Variants in CSMD1 observed in about 807,000 individuals in gnomAD.
The protein encoded by CSMD1 is CUB and Sushi multiple domains 1, also known as CUB and sushi domain-containing protein 1.
A neutral mutation model predicts 417.5 loss-of-function variants in CSMD1; 213 were observed. That is an observed-to-expected ratio of 0.51 (90% CI 0.46 to 0.57). CSMD1 has a LOEUF of 0.57. Ranked by LOEUF, CSMD1 falls within the 20% of genes least tolerant of loss-of-function variation. CSMD1 has a pLI of 0.00. For missense variants in CSMD1, 6,923 were observed against 4,529.7 expected, an observed-to-expected ratio of 1.53 and a Z score of -15.17; for synonymous variants, 2,862 against 1,736.8, an observed-to-expected ratio of 1.65 and a Z score of -16.11.
At chr8:3,468,646 C>G in intron 12 of CSMD1, 66 bp downstream of exon 12, 1 of 973,996 alleles carries the variant, frequency 1.0e-6, no homozygotes, top group South Asian at 1.5e-5. Flanking sequence ...CTAACCAACA[C>G]AGAATGCTCT....
intron 3 of CSMD1, among the ~76,000 whole-genome samples, chr8:4,102,747 T>C (rs1801370571): frequency 6.6e-6 from 1 of 152,204 alleles, no homozygotes; most frequent in Non-Finnish European, 1.5e-5. Flanking sequence ...GAAGCAGATA[T>C]TTTTGAATTT....
chr8:4,266,203 G>A (rs1282186937), intron 3 of CSMD1, among the ~76,000 whole-genome samples: 1 of 103,984 alleles, frequency 9.6e-6, no homozygotes, highest in African/African-American at 2.6e-5. Context: ...GGTTTTTTAC[G>A]TTATTTTTTC....
At chr8:4,125,971 A>C (rs1047179371) in intron 3 of CSMD1, among the ~76,000 whole-genome samples, 2 of 152,118 alleles carry the variant, frequency 1.3e-5, no homozygotes, top group Admixed American at 1.3e-4. Context: ...TGTAAAACCT[A>C]AGATCTAAGA....
chr8:3,953,645 T>C (rs1811732251), intron 5 of CSMD1, among the ~76,000 whole-genome samples: 1 of 152,020 alleles, frequency 6.6e-6, no homozygotes, highest in South Asian at 2.1e-4. Flanking sequence ...GTGCCTCACC[T>C]AAGAACGCTG....
chr8:3,330,555 T>G (rs1042004351), intron 23 of CSMD1, among the ~76,000 whole-genome samples: 1 of 152,102 alleles, frequency 6.6e-6, no homozygotes, highest in African/African-American at 2.4e-5. Flanking sequence ...TGTGAACTCA[T>G]GAACACAAAG....
intron 20 of CSMD1, among the ~76,000 whole-genome samples, chr8:3,359,836 T>C (rs79137596): frequency 0.026 from 3,884 of 152,304 alleles, 169 homozygotes; most frequent in African/African-American, 0.087. Flanking sequence ...ATTCTACTCA[T>C]GTATCAAAAT....
chr8:3,625,067 AAC>A lies in CSMD1; in HGVS notation c.1010-8272_1010-8271del, dbSNP rs1056053869. Among the ~76,000 whole-genome samples the A allele has an allele frequency of 9.0e-5, 10 of 111,214 alleles. No homozygotes were observed. In the East Asian group the frequency reaches 1.7e-3, roughly 19 times the overall value. 73.0% of individuals were successfully genotyped at this position (111,214 alleles called of 152,430 possible). On this transcript the variant is annotated intron_variant, in intron 7 of 69. Transcript: ENST00000635120. ...TCCTACGAGACATTTCTACATGCATAACAGTTTTTTTTTTATTTTTTGCTGTT... is the reference window on the plus strand; with the variant it reads ...TCCTACGAGACATTTCTACATGCATAAGTTTTTTTTTTATTTTTTGCTGTT...
At chr8:4,317,586 A>G (rs7813006) in intron 3 of CSMD1, among the ~76,000 whole-genome samples, 151,764 of 152,238 alleles carry the variant, frequency 1, 75,649 homozygotes, top group Middle Eastern at 1. Context: ...AGTACTCAAG[A>G]GAGAGAGAGG....
intron 26 of CSMD1, among the ~76,000 whole-genome samples, chr8:3,234,165 C>A (rs754602082): frequency 3.3e-5 from 5 of 152,176 alleles, no homozygotes; most frequent in Admixed American, 6.5e-5. Flanking sequence ...CAGAGGCAAT[C>A]AGGGCAGGGC....
intron 3 of CSMD1, among the ~76,000 whole-genome samples, chr8:4,389,245 C>A (rs1803680531): frequency 2.0e-5 from 3 of 152,072 alleles, no homozygotes; most frequent in Non-Finnish European, 4.4e-5. Flanking sequence ...CTCTTTGGGT[C>A]ATATATTAAG....
intron 1 of CSMD1, among the ~76,000 whole-genome samples, chr8:4,773,835 T>G (rs1238875909): frequency 6.6e-6 from 1 of 152,150 alleles, no homozygotes; most frequent in Non-Finnish European, 1.5e-5. Flanking sequence ...AAATAAAAAT[T>G]TAATTGTGTG....
chr8:4,239,857 G>C (rs1333577292), intron 3 of CSMD1, among the ~76,000 whole-genome samples: 1 of 152,134 alleles, frequency 6.6e-6, no homozygotes, highest in Non-Finnish European at 1.5e-5. Context: ...TTGGAATATA[G>C]TGAAAAACAA....
chr8:3,261,046 G>C (rs771416606), intron 26 of CSMD1, among the ~76,000 whole-genome samples: 44 of 152,256 alleles, frequency 2.9e-4, no homozygotes, highest in Non-Finnish European at 4.0e-4. Flanking sequence ...AGGAAACACA[G>C]GTGAGAACTA....
chr8:4,166,063 A>G (rs17069195), intron 3 of CSMD1, among the ~76,000 whole-genome samples: 2,001 of 152,302 alleles, frequency 0.013, 41 homozygotes, highest in African/African-American at 0.044. Flanking sequence ...TAATAAGTGA[A>G]TTCCCAATCT....
At chr8:4,968,820 A>G (rs959778122) in intron 1 of CSMD1, among the ~76,000 whole-genome samples, 1 of 152,148 alleles carries the variant, frequency 6.6e-6, no homozygotes, top group Non-Finnish European at 1.5e-5. Flanking sequence ...CTCTTCTGCC[A>G]TTTCCCAACC....
chr8:3,442,479 T>C (rs1815048452), intron 12 of CSMD1, among the ~76,000 whole-genome samples: 1 of 152,238 alleles, frequency 6.6e-6, no homozygotes, highest in South Asian at 2.1e-4. Flanking sequence ...ACCTTTTGTA[T>C]GTTTACATAT....
chr8:4,341,905 A>G (rs1362012870), intron 3 of CSMD1, among the ~76,000 whole-genome samples: 2 of 152,092 alleles, frequency 1.3e-5, no homozygotes, highest in African/African-American at 2.4e-5. Context: ...CTGATTACTC[A>G]TTATCTGTAC....
intron 52 of CSMD1, among the ~76,000 whole-genome samples, chr8:3,013,018 C>T (rs2128964367): frequency 6.6e-6 from 1 of 152,306 alleles, no homozygotes; most frequent in Non-Finnish European, 1.5e-5. Context: ...TGTGCCTTTG[C>T]TTCTCCTTTA....
chr8:4,953,572 G>A (rs890738813), intron 1 of CSMD1, among the ~76,000 whole-genome samples: 4 of 152,054 alleles, frequency 2.6e-5, no homozygotes, highest in Non-Finnish European at 5.9e-5. Flanking sequence ...TCACTGTTGA[G>A]AAACGATTGT....
Sources: gnomAD v4.1 joint callset for allele counts (sites outside exome capture counted in the v4.1 genomes callset) on GRCh38, gnomAD v4.1.1 for gene constraint, MANE v1.5 for transcripts, NCBI Gene and HGNC (gene_info 2026-07-23, HGNC 2026-07-21) for gene names.